Variants in ENTHD1 observed in about 807,000 individuals in gnomAD.
ENTHD1 encodes the protein ENTH domain containing 1, also known as ENTH domain-containing protein 1.
In ENTHD1, 23 loss-of-function variants were observed where a neutral mutation model predicts 39.1. That is an observed-to-expected ratio of 0.59 (90% CI 0.42 to 0.83). ENTHD1 has a LOEUF of 0.83. ENTHD1 is among the 40% of genes least tolerant of loss of function. The pLI, the probability that ENTHD1 is intolerant of heterozygous loss-of-function variation, is 0.00. For synonymous variants in ENTHD1, 230 were observed against 258.2 expected, an observed-to-expected ratio of 0.89 and a Z score of 1.05; for missense variants, 624 against 705.4, an observed-to-expected ratio of 0.88 and a Z score of 1.31.
At chr22:39,849,696 G>A (rs1422739223) in intron 3 of ENTHD1, among the ~76,000 whole-genome samples, 1 of 151,954 alleles carries the variant, frequency 6.6e-6, no homozygotes, top group Non-Finnish European at 1.5e-5. Flanking sequence ...TTTAATATTT[G>A]TTACTGATAT....
intron 2 of ENTHD1, among the ~76,000 whole-genome samples, chr22:39,882,394 A>C (rs1291973382): frequency 6.6e-6 from 1 of 152,208 alleles, no homozygotes; most frequent in Non-Finnish European, 1.5e-5. Flanking sequence ...GACAGCGATA[A>C]AAAAATATTC....
In ENTHD1 at chr22:39,756,308, TCTCTCTCTCA is replaced by T. The variant is rs1459944629; in HGVS notation, c.1219+8905_1219+8914del. On this transcript the variant is annotated intron_variant, in intron 6 of 6. Coordinates refer to ENST00000325157, the MANE Select transcript of ENTHD1 (RefSeq NM_152512.4). ...CTCTGTCTCTCTCTCTCTCTCTCTC[TCTCTCTCTCA>T]CACACACACACACACACACACGCAC... 5.0e-3 allele frequency among the ~76,000 whole-genome samples: 745 copies of T among 150,282 alleles called. 7 individuals are homozygous for T. Among genetic ancestry groups the T allele is most frequent in the Middle Eastern group, 0.021 (6 of 290 alleles).
intron 6 of ENTHD1, among the ~76,000 whole-genome samples, chr22:39,752,425 G>T (rs1255940360): frequency 6.6e-6 from 1 of 152,180 alleles, no homozygotes; most frequent in Non-Finnish European, 1.5e-5. Flanking sequence ...GGGAGTGACT[G>T]CTAATGAGTG....
At chr22:39,791,940 A>C (rs2065507774) in intron 5 of ENTHD1, among the ~76,000 whole-genome samples, 1 of 151,432 alleles carries the variant, frequency 6.6e-6, no homozygotes, top group African/African-American at 2.4e-5. Context: ...CTTTCTGTCC[A>C]TGTGTTCTCA....
At chr22:39,820,604 C>T (rs58505471) in intron 5 of ENTHD1, among the ~76,000 whole-genome samples, 14,320 of 152,104 alleles carry the variant, frequency 0.094, 752 homozygotes, top group African/African-American at 0.13. Context: ...ATGTTAATTA[C>T]TCAAGAGATG....
intron 3 of ENTHD1, among the ~76,000 whole-genome samples, chr22:39,850,423 T>C (rs1241778810): frequency 6.6e-6 from 1 of 152,184 alleles, no homozygotes; most frequent in Non-Finnish European, 1.5e-5. Context: ...ATACATTGCT[T>C]TCAATCTTTA....
intron 4 of ENTHD1, among the ~76,000 whole-genome samples, chr22:39,826,910 T>C (rs1374727063): frequency 6.6e-6 from 1 of 151,134 alleles, no homozygotes; most frequent in Non-Finnish European, 1.5e-5. Flanking sequence ...TCGTGCTCTG[T>C]TGCCCAGACT....
intron 6 of ENTHD1, among the ~76,000 whole-genome samples, chr22:39,763,124 CTAGAG>C (rs1023176541): frequency 1.3e-5 from 2 of 152,204 alleles, no homozygotes; most frequent in African/African-American, 4.8e-5. Context: ...GTCCTTACTC[CTAGAG>C]TATAGTCCTG....
intron 4 of ENTHD1, among the ~76,000 whole-genome samples, chr22:39,830,494 G>A (rs1215385872): frequency 6.6e-6 from 1 of 152,148 alleles, no homozygotes; most frequent in African/African-American, 2.4e-5. Flanking sequence ...ACCTAATTGG[G>A]TTGGGGAAAG....
rs1165956755 is a variant in ENTHD1 at position 39,803,418 on chromosome 22, C to T, written c.832+17575G>A. On this transcript the variant is annotated intron_variant, in intron 5 of 6. Transcript: ENST00000325157. ...TTGCTCCCATCATTGCTTCATGAAG[C>T]TCCTTGTTTATTTCCTTCATAGCAC... is the stretch of plus-strand genomic sequence containing the variant. 5.3e-5 allele frequency among the ~76,000 whole-genome samples: 8 copies of T among 152,088 alleles called. 1 individual carries two copies. The highest frequency in any genetic ancestry group is 4.6e-4 in the Admixed American group (7 of 15,268).
intron 1 of ENTHD1, among the ~76,000 whole-genome samples, chr22:39,890,439 A>G (rs908843535): frequency 6.6e-6 from 1 of 152,120 alleles, no homozygotes; most frequent in African/African-American, 2.4e-5. Flanking sequence ...ATTGGCTTAG[A>G]GCAACAAATA....
chr22:39,789,906 G>C (rs1215162964), intron 5 of ENTHD1, among the ~76,000 whole-genome samples: 2 of 152,092 alleles, frequency 1.3e-5, no homozygotes, highest in African/African-American at 2.4e-5. Context: ...AGGCCTCACT[G>C]TTAAGGTGTC....
rs542912746 is a variant in ENTHD1, at chr22:39,808,474, T to G, written c.832+12519A>C. 2.6e-5 allele frequency among the ~76,000 whole-genome samples: 4 copies of G among 152,288 alleles called. No individual in the cohort carries two copies. In the East Asian group the frequency reaches 5.8e-4, roughly 22 times the overall value. ...AATAACTTACCCTTTGAAAGAAACA[T>G]ACAGCTGTTTCATTCTAATAAAAAG... On this transcript the variant is annotated intron_variant, in intron 5 of 6. Transcript: ENST00000325157.
intron 2 of ENTHD1, among the ~76,000 whole-genome samples, chr22:39,882,881 T>TA: frequency 6.6e-6 from 1 of 151,528 alleles, no homozygotes; most frequent in Non-Finnish European, 1.5e-5. Flanking sequence ...CAGGTGCCTG[T>TA]AGTCCCAGCT....
At chr22:39,801,484 TCATA>T (rs2065598012) in intron 5 of ENTHD1, among the ~76,000 whole-genome samples, 1 of 152,172 alleles carries the variant, frequency 6.6e-6, no homozygotes, top group Non-Finnish European at 1.5e-5. Context: ...ACACATACAC[TCATA>T]CAAAGAGATA....
chr22:39,778,198 CA>C (rs1237881004), intron 5 of ENTHD1, among the ~76,000 whole-genome samples: 2 of 152,144 alleles, frequency 1.3e-5, no homozygotes. Context: ...AGTGGGATTA[CA>C]GGGAGTTCCT....
chr22:39,821,303 C>T (rs763946349), intron 4 of ENTHD1, among the ~76,000 whole-genome samples, 190 bp from the exon 5 acceptor site: 38 of 151,984 alleles, frequency 2.5e-4, no homozygotes, highest in Admixed American at 1.3e-3. Context: ...CCTCGGGAAT[C>T]CCCAGACCTT....
rs1405468572 is a variant in ENTHD1, at chr22:39,846,717, CA to C, written c.593-10760del. Among the ~76,000 whole-genome samples, 194 of 151,950 alleles carry C rather than the reference CA, an allele frequency of 1.3e-3. 1 individual carries two copies. Among genetic ancestry groups the C allele is most frequent in the African/African-American group, 4.2e-3 (173 of 41,388 alleles). ...ACAAGAAAAAAACAAACAACCCCATCAAAAAAATGGGCAAAGGATATGAACA... is the reference window on the plus strand; with the variant it reads ...ACAAGAAAAAAACAAACAACCCCATCAAAAAATGGGCAAAGGATATGAACA... On this transcript the variant is annotated intron_variant, in intron 3 of 6. Transcript: ENST00000325157.
chr22:39,880,058 T>A (rs1247150466), intron 2 of ENTHD1, among the ~76,000 whole-genome samples: 1 of 152,130 alleles, frequency 6.6e-6, no homozygotes, highest in East Asian at 1.9e-4. Flanking sequence ...TGAGACTCTG[T>A]CTCCACAAAA....
Sources: gnomAD v4.1 joint callset for allele counts (sites outside exome capture counted in the v4.1 genomes callset) on GRCh38, gnomAD v4.1.1 for gene constraint, MANE v1.5 for transcripts, NCBI Gene and HGNC (gene_info 2026-07-23, HGNC 2026-07-21) for gene names.